SNTB1: variants seen among roughly 807,000 people sequenced by gnomAD.
SNTB1 encodes the protein beta-1-syntrophin.
A neutral mutation model predicts 48.9 loss-of-function variants in SNTB1; 36 were observed. That is an observed-to-expected ratio of 0.74 (90% CI 0.56 to 0.97). The LOEUF (loss-of-function observed/expected upper bound fraction) is 0.97. Ranked by LOEUF, SNTB1 falls within the 50% of genes least tolerant of loss-of-function variation. The pLI, the probability that SNTB1 is intolerant of heterozygous loss-of-function variation, is 0.00. For synonymous variants in SNTB1, 299 were observed against 294.6 expected (o/e 1.01, Z -0.15); for missense variants, 786 against 703.4 (o/e 1.12, Z -1.33).
intron 3 of SNTB1, among the ~76,000 whole-genome samples, chr8:120,629,512 A>G (rs1246860358): frequency 6.6e-6 from 1 of 152,210 alleles, no homozygotes; most frequent in Non-Finnish European, 1.5e-5. Flanking sequence ...ACAGGGTCAC[A>G]TTTTATGTCT....
At chr8:120,789,165 G>T (rs1819978906) in intron 1 of SNTB1, among the ~76,000 whole-genome samples, 1 of 151,894 alleles carries the variant, frequency 6.6e-6, no homozygotes, top group Non-Finnish European at 1.5e-5. Flanking sequence ...ACGAAATAAA[G>T]ATGAAAATTT....
At chr8:120,799,045 C>T (rs73707127) in intron 1 of SNTB1, among the ~76,000 whole-genome samples, 3,530 of 152,100 alleles carry the variant, frequency 0.023, 129 homozygotes, top group African/African-American at 0.08. Flanking sequence ...CAACCCTTAA[C>T]GCAAAGATGG....
intron 3 of SNTB1, among the ~76,000 whole-genome samples, chr8:120,577,255 C>T (rs1815965828): frequency 6.6e-6 from 1 of 152,162 alleles, no homozygotes; most frequent in African/African-American, 2.4e-5. Context: ...AAGTGCCCTC[C>T]CCGACTCCGC....
intron 1 of SNTB1, among the ~76,000 whole-genome samples, chr8:120,792,943 C>T (rs939474243): frequency 1.3e-5 from 2 of 151,942 alleles, no homozygotes; most frequent in East Asian, 3.9e-4. Flanking sequence ...TAATTCAAGG[C>T]AAACTCCACT....
At chr8:120,699,250 T>C (rs1210086328) in intron 1 of SNTB1, among the ~76,000 whole-genome samples, 1 of 152,244 alleles carries the variant, frequency 6.6e-6, no homozygotes, top group African/African-American at 2.4e-5. Context: ...ACGCTATTTC[T>C]GCTTACAACC....
chr8:120,743,035 G>A (rs1819066923), intron 1 of SNTB1, among the ~76,000 whole-genome samples: 1 of 152,188 alleles, frequency 6.6e-6, no homozygotes, highest in African/African-American at 2.4e-5. Context: ...AAAAAGTAAA[G>A]TGAGGTAGGA....
At chr8:120,615,876 A>T (rs141930693) in intron 3 of SNTB1, among the ~76,000 whole-genome samples, 81 of 151,350 alleles carry the variant, frequency 5.4e-4, no homozygotes, top group Non-Finnish European at 1.0e-3. Flanking sequence ...TCTTAACTGG[A>T]TGTAGCTCTT....
chr8:120,623,189 G>A (rs538372585), intron 3 of SNTB1, among the ~76,000 whole-genome samples: 153 of 152,308 alleles, frequency 1.0e-3, no homozygotes, highest in Admixed American at 1.6e-3. Context: ...AAGAATCTCC[G>A]TCTCAGACTC....
At chr8:120,653,151 G>T in intron 2 of SNTB1, among the ~76,000 whole-genome samples, 1 of 152,160 alleles carries the variant, frequency 6.6e-6, no homozygotes, top group East Asian at 1.9e-4. Flanking sequence ...TGTTCCTGGG[G>T]AACCTCAGGA....
chr8:120,737,919 C>T (rs1291716263), intron 1 of SNTB1, among the ~76,000 whole-genome samples: 1 of 152,134 alleles, frequency 6.6e-6, no homozygotes, highest in Admixed American at 6.5e-5. Context: ...AAAGTGAGAA[C>T]TTTATAGCAC....
rs7828804 is a variant in SNTB1 at position 120,612,624 on chromosome 8, A to C, written c.996+19820T>G. Among the ~76,000 whole-genome samples the C allele has an allele frequency of 2.0e-5, 3 of 152,072 alleles. No individual in the cohort carries two copies. In the East Asian group the frequency reaches 5.8e-4, roughly 30 times the overall value. On this transcript the variant is annotated intron_variant, in intron 3 of 6. Transcript: ENST00000517992. Reference sequence around the variant, plus strand: ...GCTGGAGTGCAATGGCTCGATCTCAACTCACTGCAACCTCCGCCTCCTGGG... The same window carrying C: ...GCTGGAGTGCAATGGCTCGATCTCACCTCACTGCAACCTCCGCCTCCTGGG...
At chr8:120,549,519 T>A (rs1815443137) in intron 4 of SNTB1, among the ~76,000 whole-genome samples, 1 of 152,230 alleles carries the variant, frequency 6.6e-6, no homozygotes, top group Non-Finnish European at 1.5e-5. Context: ...CTGGCAATGC[T>A]GGACTTCTTG....
intron 3 of SNTB1, 53 bp downstream of exon 3, chr8:120,632,391 G>T (rs1222711133): frequency 8.0e-6 from 12 of 1,506,450 alleles, no homozygotes; most frequent in Admixed American, 3.5e-5. Flanking sequence ...GGTTATGAGC[G>T]CTGGGGGAAT....
At chr8:120,563,854 A>G (rs1313198972) in intron 4 of SNTB1, among the ~76,000 whole-genome samples, 2 of 152,116 alleles carry the variant, frequency 1.3e-5, no homozygotes. Flanking sequence ...TCACGTCTGT[A>G]ATCTCAGCAC....
chr8:120,797,868 G>A (rs1489484017), intron 1 of SNTB1, among the ~76,000 whole-genome samples: 6 of 151,950 alleles, frequency 3.9e-5, no homozygotes, highest in East Asian at 1.9e-4. Flanking sequence ...TGCAGTGATT[G>A]CACAAGGTCA....
chr8:120,760,860 G>A (rs796466334), intron 1 of SNTB1, among the ~76,000 whole-genome samples: 24 of 152,024 alleles, frequency 1.6e-4, no homozygotes, highest in African/African-American at 5.5e-4. Flanking sequence ...AAGACCTTGT[G>A]AATAATTTTA....
At chr8:120,659,708 A>G (rs1817559266) in intron 2 of SNTB1, among the ~76,000 whole-genome samples, 1 of 152,212 alleles carries the variant, frequency 6.6e-6, no homozygotes, top group Non-Finnish European at 1.5e-5. Context: ...ATATTTAAGA[A>G]ATATATCTGC....
At chr8:120,584,080 G>A (rs974469492) in intron 3 of SNTB1, among the ~76,000 whole-genome samples, 20 of 152,178 alleles carry the variant, frequency 1.3e-4, no homozygotes, top group African/African-American at 7.2e-5. Context: ...TTGGGAGACC[G>A]AGGTAGGTGG....
At chr8:120,784,185 G>A (rs1819878033) in intron 1 of SNTB1, among the ~76,000 whole-genome samples, 2 of 151,952 alleles carry the variant, frequency 1.3e-5, no homozygotes, top group South Asian at 4.2e-4. Flanking sequence ...GTAGAGACAG[G>A]GTTTCACCAT....
Sources: gnomAD v4.1 joint callset for allele counts (sites outside exome capture counted in the v4.1 genomes callset) on GRCh38, gnomAD v4.1.1 for gene constraint, MANE v1.5 for transcripts, NCBI Gene and HGNC (gene_info 2026-07-23, HGNC 2026-07-21) for gene names.